Variants in GRIK3 observed in about 807,000 individuals in gnomAD.
GRIK3 encodes the protein glutamate receptor ionotropic, kainate 3.
Under a neutral mutation model 102.5 loss-of-function variants are expected in GRIK3, and 29 were observed. The observed-to-expected ratio is 0.28, with a 90% confidence interval of 0.21 to 0.39. GRIK3 has a LOEUF of 0.39. GRIK3 is among the 10% of genes least tolerant of loss of function. The pLI is 1.00. For synonymous variants in GRIK3, 511 were observed against 504.9 expected, an observed-to-expected ratio of 1.01 and a Z score of -0.16; for missense variants, 908 against 1,252.4, an observed-to-expected ratio of 0.73 and a Z score of 4.15.
In GRIK3 at chr1:36,815,814, C is replaced by A. The variant is rs376056603; in HGVS notation, c.2091+1246G>T. Among the ~76,000 whole-genome samples the A allele has an allele frequency of 5.0e-4, 76 of 151,740 alleles. 1 individual carries two copies. In the South Asian group the frequency reaches 9.8e-3, roughly 20 times the overall value. ...TCACTCTGTCACCCAGGCTGGAGTT[C>A]AGTGGCACGATCTTGGCTCACTGCA... On this transcript the variant is annotated intron_variant, in intron 13 of 15. Coordinates refer to ENST00000373091, the MANE Select transcript of GRIK3 (RefSeq NM_000831.4).
At chr1:36,887,789 T>A (rs908868642) in intron 2 of GRIK3, among the ~76,000 whole-genome samples, 1 of 55,280 alleles carries the variant, frequency 1.8e-5, no homozygotes, top group Non-Finnish European at 3.4e-5. Flanking sequence ...TATATATATA[T>A]AGTGAGAGAG....
chr1:36,846,880 C>G lies in GRIK3; in HGVS notation c.1326+3431G>C, dbSNP rs540427635. Among the ~76,000 whole-genome samples the G allele has an allele frequency of 3.3e-5, 5 of 152,358 alleles. No individual in the cohort carries two copies. In the South Asian group the frequency reaches 8.3e-4, roughly 25 times the overall value. ...TCCTCAGGAGACTCCAAGGACACTT[C>G]TGGCTAGACAGACTTTCTTGGAAGC... On this transcript the variant is annotated intron_variant, in intron 9 of 15. Coordinates refer to ENST00000373091, the MANE Select transcript of GRIK3 (RefSeq NM_000831.4).
At chr1:36,828,006 T>C (rs2993075) in intron 10 of GRIK3, among the ~76,000 whole-genome samples, 3,529 of 149,342 alleles carry the variant, frequency 0.024, 129 homozygotes, top group African/African-American at 0.079. Flanking sequence ...GAAGGAGGAA[T>C]GGGGCAAGCT....
intron 1 of GRIK3, among the ~76,000 whole-genome samples, chr1:37,021,091 A>AGTGTGTGTGTGTGT (rs140990633): frequency 6.3e-5 from 9 of 143,932 alleles, no homozygotes; most frequent in African/African-American, 2.3e-4. Flanking sequence ...CAAATTTGCA[A>AGTGTGTGTGTGTGT]GTGTGTGTGT....
chr1:36,959,932 C>T (rs1194069455), intron 1 of GRIK3, among the ~76,000 whole-genome samples: 3 of 36,458 alleles, frequency 8.2e-5, no homozygotes, highest in Non-Finnish European at 1.6e-4. Context: ...CTGTGTGCCC[C>T]ATGACTCTGT....
intron 1 of GRIK3, among the ~76,000 whole-genome samples, chr1:36,906,798 T>C (rs746884702): frequency 6.6e-6 from 1 of 152,214 alleles, no homozygotes; most frequent in East Asian, 1.9e-4. Flanking sequence ...TACAAATATA[T>C]AGCTTGGTAG....
chr1:36,850,057 T>C lies in GRIK3; in HGVS notation c.1326+254A>G. ...CCCTTAATTCCACCATCCAGCATGG[T>C]TCCTACTCAGACATCAAGGACTTGG... is the stretch of plus-strand genomic sequence containing the variant. On this transcript the variant is annotated intron_variant, in intron 9 of 15. Transcript: ENST00000373091. This position sits in a 1 kb window ranked among gnomAD's most constrained non-coding sequence, Gnocchi z 4.0. 2.1e-6 allele frequency: 1 copy of C among 478,318 alleles called. No homozygotes were observed. Among genetic ancestry groups the C allele is most frequent in the South Asian group, 2.6e-5 (1 of 38,878 alleles). 29.6% of individuals were successfully genotyped at this position (478,318 alleles called of 1,614,324 possible). A position where few individuals can be genotyped will look rare whatever the true frequency, so the allele number is the denominator to read the frequency against.
At chr1:36,829,807 T>C (rs517176) in intron 10 of GRIK3, among the ~76,000 whole-genome samples, 28,296 of 152,086 alleles carry the variant, frequency 0.19, 3,097 homozygotes, top group African/African-American at 0.3. Flanking sequence ...TAGCTCCATC[T>C]TTTGTTCCTC....
intron 7 of GRIK3, among the ~76,000 whole-genome samples, chr1:36,854,221 C>T (rs934809696): frequency 3.3e-5 from 5 of 152,202 alleles, no homozygotes; most frequent in African/African-American, 4.8e-5. Flanking sequence ...AGAACTCTGG[C>T]GTCTGAATGC....
At chr1:36,884,067 C>T (rs969927077) in intron 2 of GRIK3, among the ~76,000 whole-genome samples, 1 of 152,146 alleles carries the variant, frequency 6.6e-6, no homozygotes, top group African/African-American at 2.4e-5. Flanking sequence ...AGTGCCAGTA[C>T]AGAGGGTATC....
At chr1:37,026,170 C>G (rs566619572) in intron 1 of GRIK3, among the ~76,000 whole-genome samples, 1 of 152,336 alleles carries the variant, frequency 6.6e-6, no homozygotes, top group South Asian at 2.1e-4. Flanking sequence ...CTTCCCAGCT[C>G]TGAACATATG....
rs2124171424 is a variant in GRIK3, at chr1:36,800,402, G to C, written c.*1449C>G. ...CTCATTCTTTTCCAAGACTCTTAAAGTCACAGACCTCTAGAGCATTCATCA... is the reference window on the plus strand; with the variant it reads ...CTCATTCTTTTCCAAGACTCTTAAACTCACAGACCTCTAGAGCATTCATCA... On this transcript the variant is annotated 3_prime_UTR_variant, in exon 16 of 16. Coordinates refer to ENST00000373091, the MANE Select transcript of GRIK3 (RefSeq NM_000831.4). 6.6e-6 allele frequency: 1 copy of C among 152,270 alleles called. No homozygotes were observed. The highest frequency in any genetic ancestry group is 2.4e-5 in the African/African-American group (1 of 41,530). 9.4% of individuals were successfully genotyped at this position (152,270 alleles called of 1,614,324 possible). A position where few individuals can be genotyped will look rare whatever the true frequency, so the allele number is the denominator to read the frequency against.
rs1369206612 is a variant in GRIK3, at chr1:36,797,076, C to T, written c.*4775G>A. ...ACCTGGCAGCACCATGTAGCTCTGC[C>T]CTCTTCTTCAGGGTCTGGAGCTCTG... On this transcript the variant is annotated 3_prime_UTR_variant, in exon 16 of 16. Coordinates refer to ENST00000373091, the MANE Select transcript of GRIK3 (RefSeq NM_000831.4). The T allele has an allele frequency of 6.6e-6, 1 of 151,910 alleles. No individual in the cohort carries two copies. Among genetic ancestry groups the T allele is most frequent in the Non-Finnish European group, 1.5e-5 (1 of 68,018 alleles). 9.4% of individuals were successfully genotyped at this position (151,910 alleles called of 1,614,324 possible). A position where few individuals can be genotyped will look rare whatever the true frequency, so the allele number is the denominator to read the frequency against.
At chr1:36,954,555 C>T (rs1379547191) in intron 1 of GRIK3, among the ~76,000 whole-genome samples, 1 of 152,180 alleles carries the variant, frequency 6.6e-6, no homozygotes, top group Non-Finnish European at 1.5e-5. Flanking sequence ...GTCTCCAGGA[C>T]TCTTGGGGTG....
rs908096896 is a variant in GRIK3, at chr1:36,843,561, T to C, written c.1327-1622A>G. On this transcript the variant is annotated intron_variant, in intron 9 of 15. Transcript: ENST00000373091. ...CCAGTCAGCTGCACCTCTCTCTGGCTTGGCTCTCCTGTCTGTTCCCTGGGG... is the reference window on the plus strand; with the variant it reads ...CCAGTCAGCTGCACCTCTCTCTGGCCTGGCTCTCCTGTCTGTTCCCTGGGG... Among the ~76,000 whole-genome samples the C allele has an allele frequency of 9.2e-5, 14 of 152,178 alleles. No individual in the cohort carries two copies. In the East Asian group the frequency reaches 2.5e-3, roughly 27 times the overall value.
chr1:36,835,981 A>C (rs1006983256), intron 10 of GRIK3, among the ~76,000 whole-genome samples: 3 of 152,090 alleles, frequency 2.0e-5, no homozygotes, highest in African/African-American at 7.2e-5. Context: ...AGGGCTCCAC[A>C]GTCATTGCTC....
intron 9 of GRIK3, chr1:36,849,904 C>A: frequency 5.3e-6 from 1 of 187,732 alleles, no homozygotes; most frequent in Non-Finnish European, 1.1e-5. Context: ...GCTCCCAGCA[C>A]CTGCTGGGCT....
chr1:36,931,247 A>C (rs1176144439), intron 1 of GRIK3, among the ~76,000 whole-genome samples: 2 of 152,204 alleles, frequency 1.3e-5, no homozygotes, highest in Non-Finnish European at 2.9e-5. Context: ...AAGGAACATG[A>C]CTGAATAGAA....
chr1:37,022,145 C>G (rs1456797107), intron 1 of GRIK3, among the ~76,000 whole-genome samples: 1 of 152,230 alleles, frequency 6.6e-6, no homozygotes. Flanking sequence ...CTCTGCTTTA[C>G]ACCAAGCTGT....
Sources: gnomAD v4.1 joint callset for allele counts (sites outside exome capture counted in the v4.1 genomes callset) on GRCh38, gnomAD v4.1.1 for gene constraint, Gnocchi (gnomAD v3.1) non-coding constraint, MANE v1.5 for transcripts, NCBI Gene and HGNC (gene_info 2026-07-23, HGNC 2026-07-21) for gene names.